FAM171B: variants seen among roughly 807,000 people sequenced by gnomAD.
FAM171B encodes family with sequence similarity 171 member B, also known as protein FAM171B.
Under a neutral mutation model 75.6 loss-of-function variants are expected in FAM171B, and 19 were observed. That is an observed-to-expected ratio of 0.25 (90% confidence interval 0.18 to 0.37). The LOEUF is 0.37. Ranked by LOEUF, FAM171B falls within the 10% of genes least tolerant of loss-of-function variation. The probability of loss-of-function intolerance (pLI) is 1.00; values close to 1 mark genes in which losing one functional copy is unlikely to be tolerated. For synonymous variants in FAM171B, 367 were observed against 361.7 expected, an observed-to-expected ratio of 1.01 and a Z score of -0.17; for missense variants, 848 against 982.4, an observed-to-expected ratio of 0.86 and a Z score of 1.83.
chr2:186,719,573 T>C (rs2105778219), intron 1 of FAM171B, among the ~76,000 whole-genome samples: 1 of 152,324 alleles, frequency 6.6e-6, no homozygotes, highest in South Asian at 2.1e-4. Context: ...AAAACAACAA[T>C]CTTGGGAATG....
chr2:186,740,514 T>A, intron 2 of FAM171B, 53 bp downstream of exon 2: 1 of 1,431,808 alleles, frequency 7.0e-7, no homozygotes, highest in Non-Finnish European at 9.6e-7. Context: ...GTAAATGAAT[T>A]ATTTTCTCTG....
intron 6 of FAM171B, among the ~76,000 whole-genome samples, chr2:186,759,152 G>A (rs1161702183): frequency 6.6e-6 from 1 of 152,064 alleles, no homozygotes; most frequent in African/African-American, 2.4e-5. Flanking sequence ...TGGTTGAATA[G>A]TACTCCATTA....
At chr2:186,730,853 G>A (rs1292297010) in intron 1 of FAM171B, among the ~76,000 whole-genome samples, 6 of 151,540 alleles carry the variant, frequency 4.0e-5, no homozygotes, top group Admixed American at 6.6e-5. Flanking sequence ...TTTCTTTTGC[G>A]AATTTAGCTT....
chr2:186,750,482 T>A (rs1350762262), intron 4 of FAM171B, among the ~76,000 whole-genome samples: 4 of 152,242 alleles, frequency 2.6e-5, no homozygotes, highest in African/African-American at 9.6e-5. Flanking sequence ...GTTTATATTC[T>A]TTCAGTTGTA....
intron 4 of FAM171B, among the ~76,000 whole-genome samples, chr2:186,747,812 G>T (rs1690388401): frequency 6.6e-6 from 1 of 152,006 alleles, no homozygotes; most frequent in Admixed American, 6.6e-5. Context: ...TTTCTATAAG[G>T]CTGTCATAAT....
At chr2:186,716,382 A>G (rs74402828) in intron 1 of FAM171B, among the ~76,000 whole-genome samples, 3,095 of 152,172 alleles carry the variant, frequency 0.02, 104 homozygotes, top group African/African-American at 0.069. Flanking sequence ...TTCCTTCCTT[A>G]CCCAGAATTA....
In FAM171B at chr2:186,751,217, T is replaced by C; in HGVS notation, c.808T>C (p.Ser270Pro). The C allele has an allele frequency of 6.2e-7, 1 of 1,612,208 alleles. No individual in the cohort carries two copies. Among genetic ancestry groups the C allele is most frequent in the Non-Finnish European group, 8.5e-7 (1 of 1,178,696 alleles). The change falls in exon 5 of 8, where the codon TCT becomes CCT. Residue 270 changes from serine (S) to proline (P), a missense_variant. Coordinates refer to ENST00000304698, the MANE Select transcript of FAM171B (RefSeq NM_177454.4). ...AGGAAAAGAACTAAAGGTCAATGGC[T>C]CTATTCAAGTTTCTCTTCCTCTTCT... ...SGGKELKVNG[S>P]IQVSLPLLRL...
chr2:186,736,567 G>GTGTGTGTGTGTGTGTGA (rs55683607), intron 1 of FAM171B, among the ~76,000 whole-genome samples: 23 of 104,628 alleles, frequency 2.2e-4, no homozygotes, highest in South Asian at 3.5e-4. Flanking sequence ...TGTGTGTGTG[G>GTGTGTGTGTGTGTGTGA]GAGAGAGAGA....
At chr2:186,730,749 T>C (rs968911885) in intron 1 of FAM171B, among the ~76,000 whole-genome samples, 1 of 152,218 alleles carries the variant, frequency 6.6e-6, no homozygotes, top group Non-Finnish European at 1.5e-5. Context: ...ATAAATCAAA[T>C]CCAGCTTCAG....
intron 5 of FAM171B, among the ~76,000 whole-genome samples, chr2:186,752,310 C>A (rs1690468400): frequency 6.6e-6 from 1 of 152,090 alleles, no homozygotes; most frequent in Admixed American, 6.6e-5. Context: ...CGCAATAGAT[C>A]CTCAAAACTT....
At chr2:186,754,120 C>A in intron 6 of FAM171B, 71 bp downstream of exon 6, 1 of 1,177,670 alleles carries the variant, frequency 8.5e-7, no homozygotes, top group African/African-American at 1.6e-5. Context: ...AGCAGCAGAC[C>A]TCAGTTTTAT....
chr2:186,741,010 C>G (rs1690281590), intron 2 of FAM171B, among the ~76,000 whole-genome samples: 3 of 152,148 alleles, frequency 2.0e-5, no homozygotes, highest in Non-Finnish European at 4.4e-5. Flanking sequence ...GGCAATTTGC[C>G]ATTACAGACA....
intron 6 of FAM171B, among the ~76,000 whole-genome samples, chr2:186,754,879 G>T (rs1477758829): frequency 2.0e-5 from 3 of 151,882 alleles, no homozygotes; most frequent in Admixed American, 6.6e-5. Context: ...TTTATGTGTG[G>T]CCCAAGGCAG....
At chr2:186,731,250 CAAGAAATGA>C (rs1034941986) in intron 1 of FAM171B, among the ~76,000 whole-genome samples, 6 of 152,108 alleles carry the variant, frequency 3.9e-5, no homozygotes, top group Non-Finnish European at 7.3e-5. Context: ...ACTCTGGCTA[CAAGAAATGA>C]AAGGGCTTTC....
At chr2:186,756,436 G>T (rs908069678) in intron 6 of FAM171B, among the ~76,000 whole-genome samples, 8 of 152,136 alleles carry the variant, frequency 5.3e-5, no homozygotes, top group Non-Finnish European at 1.2e-4. Context: ...TATTGTGTTA[G>T]TCTGCTCAGG....
chr2:186,699,857 C>A lies in FAM171B; in HGVS notation c.238+5446C>A, dbSNP rs111701003. Among the ~76,000 whole-genome samples the A allele has an allele frequency of 7.2e-3, 1,090 of 152,168 alleles. 13 individuals are homozygous for A. Among genetic ancestry groups the A allele is most frequent in the African/African-American group, 0.025 (1,038 of 41,526 alleles). ...TCTGCATAAGGATATCCAGTTTTCC[C>A]AGCACTATTTATTGAATAGACTGTC... On this transcript the variant is annotated intron_variant, in intron 1 of 7. Coordinates refer to ENST00000304698, the MANE Select transcript of FAM171B (RefSeq NM_177454.4).
At chr2:186,721,489 T>C (rs966273952) in intron 1 of FAM171B, among the ~76,000 whole-genome samples, 1 of 152,160 alleles carries the variant, frequency 6.6e-6, no homozygotes, top group Non-Finnish European at 1.5e-5. Flanking sequence ...AATGTTTTTT[T>C]CAAAGAAAAC....
chr2:186,696,705 G>A (rs529727403), intron 1 of FAM171B, among the ~76,000 whole-genome samples: 1 of 151,808 alleles, frequency 6.6e-6, no homozygotes. Flanking sequence ...CATTTTCTCT[G>A]CCTGGAATTC....
chr2:186,747,923 C>T (rs1489592948), intron 4 of FAM171B, among the ~76,000 whole-genome samples: 1 of 151,884 alleles, frequency 6.6e-6, no homozygotes, highest in East Asian at 1.9e-4. Context: ...ACTTGTTCCA[C>T]CATTTTTTTT....
Sources: allele counts gnomAD v4.1 joint callset (sites outside exome capture counted in the v4.1 genomes callset), GRCh38; gene constraint gnomAD v4.1.1; transcripts MANE v1.5; gene names NCBI Gene and HGNC (gene_info 2026-07-23, HGNC 2026-07-21).